The following STON1 variants were observed in gnomAD, a reference collection of about 807,000 sequenced individuals.
STON1 encodes the protein stonin 1.
In STON1, 79 loss-of-function variants were observed where a neutral mutation model predicts 60.9. The ratio of observed to expected loss-of-function variants is 1.30; its 90% confidence interval spans 1.08 to 1.56. STON1 has a LOEUF of 1.56. Among genes scored for constraint, STON1 ranks in the 40% most tolerant of loss-of-function variants. The pLI, the probability that STON1 is intolerant of heterozygous loss-of-function variation, is 0.00. For missense variants in STON1, 1,166 were observed against 858.9 expected, an observed-to-expected ratio of 1.36 and a Z score of -4.47; for synonymous variants, 363 against 306.9, an observed-to-expected ratio of 1.18 and a Z score of -1.91.
chr2:48,550,549 A>G (rs1672059425), intron 1 of STON1, among the ~76,000 whole-genome samples: 1 of 148,692 alleles, frequency 6.7e-6, no homozygotes, highest in East Asian at 1.9e-4. Flanking sequence ...TCTTATGAGG[A>G]TATATATGTG....
At chr2:48,584,424 C>G (rs143231344) in intron 2 of STON1, among the ~76,000 whole-genome samples, 1 of 151,964 alleles carries the variant, frequency 6.6e-6, no homozygotes, top group Admixed American at 6.6e-5. Context: ...TGAGCCACCA[C>G]GCCTGGCTAG....
chr2:48,564,480 TTTCTTCTTCTTC>T (rs869188236), intron 1 of STON1, among the ~76,000 whole-genome samples: 72 of 32,468 alleles, frequency 2.2e-3, no homozygotes, highest in Non-Finnish European at 2.9e-3. Context: ...CTTCTTCTTC[TTTCTTCTTCTTC>T]TTCTTCTTCT....
intron 1 of STON1, among the ~76,000 whole-genome samples, chr2:48,569,621 C>G (rs1353005513): frequency 6.6e-6 from 1 of 152,208 alleles, no homozygotes; most frequent in Non-Finnish European, 1.5e-5. Context: ...AAGCTTCAGT[C>G]TGACTCACAA....
rs1000867922 is a variant in STON1 at position 48,598,296 on chromosome 2, T to C, written c.*2994T>C. ...ATATTAGACAGTTCTAGGATGTTAG[T>C]TCCCTTCATTCCAGAGCTATGCTTG... is the stretch of plus-strand genomic sequence containing the variant. On this transcript the variant is annotated 3_prime_UTR_variant, in exon 4 of 4. Coordinates refer to ENST00000404752, the MANE Select transcript of STON1 (RefSeq NM_006873.4). The C allele has an allele frequency of 1.6e-4, 25 of 152,674 alleles. No individual in the cohort carries two copies. The highest frequency in any genetic ancestry group is 5.5e-4 in the African/African-American group (23 of 41,586). 9.5% of individuals were successfully genotyped at this position (152,674 alleles called of 1,614,324 possible).
At chr2:48,592,951 C>A (rs1674609451) in intron 3 of STON1, among the ~76,000 whole-genome samples, 1 of 151,738 alleles carries the variant, frequency 6.6e-6, no homozygotes, top group South Asian at 2.1e-4. Flanking sequence ...GCCATCAGCT[C>A]TTCTGCATTC....
chr2:48,577,607 G>T (rs1673592160), intron 1 of STON1, among the ~76,000 whole-genome samples: 1 of 151,770 alleles, frequency 6.6e-6, no homozygotes, highest in South Asian at 2.1e-4. Context: ...AAAAAAACAG[G>T]TTTTTTTGTT....
chr2:48,549,788 G>A (rs951573168), intron 1 of STON1, among the ~76,000 whole-genome samples: 4 of 137,438 alleles, frequency 2.9e-5, no homozygotes, highest in African/African-American at 8.1e-5. Flanking sequence ...ACTCCAGCCC[G>A]GACGACAGAG....
chr2:48,584,548 G>A (rs369300990), intron 2 of STON1, among the ~76,000 whole-genome samples: 1 of 152,018 alleles, frequency 6.6e-6, no homozygotes, highest in South Asian at 2.1e-4. Flanking sequence ...GATTACAGGT[G>A]TGAGCCACCA....
chr2:48,574,909 A>C lies in STON1; in HGVS notation c.-47-5678A>C, dbSNP rs141415530. On this transcript the variant is annotated intron_variant, in intron 1 of 3. Transcript: ENST00000404752. Reference sequence around the variant, plus strand: ...AAATCTACTCTTTTAAAAGTTTTCAACTGTTAAAAACGGTGTTATGAACGA... The same window carrying C: ...AAATCTACTCTTTTAAAAGTTTTCACCTGTTAAAAACGGTGTTATGAACGA... Among the ~76,000 whole-genome samples the C allele has an allele frequency of 1.6e-4, 25 of 152,376 alleles. No individual in the cohort carries two copies. The East Asian group carries it at 4.8e-3, about 29-fold the overall frequency.
At chr2:48,564,417 T>G (rs150755610) in intron 1 of STON1, among the ~76,000 whole-genome samples, 57 of 40,354 alleles carry the variant, frequency 1.4e-3, no homozygotes, top group African/African-American at 4.1e-3. Context: ...CTTCTTCTTC[T>G]TCTTCTTCTT....
intron 1 of STON1, among the ~76,000 whole-genome samples, chr2:48,564,484 T>A (rs1572952703): frequency 4.3e-5 from 1 of 23,292 alleles, no homozygotes; most frequent in African/African-American, 1.7e-4. Context: ...TTCTTCTTTC[T>A]TCTTCTTCTT....
At chr2:48,548,014 CCCTT>C (rs2103777943) in intron 1 of STON1, among the ~76,000 whole-genome samples, 1 of 152,272 alleles carries the variant, frequency 6.6e-6, no homozygotes, top group Admixed American at 6.5e-5. Context: ...GATCCCATAG[CCCTT>C]CCTTTTGTGA....
At chr2:48,571,307 T>C (rs1240102544) in intron 1 of STON1, among the ~76,000 whole-genome samples, 1 of 152,186 alleles carries the variant, frequency 6.6e-6, no homozygotes, top group African/African-American at 2.4e-5. Context: ...GAATCTTTGC[T>C]TCAGAGGAAG....
intron 1 of STON1, among the ~76,000 whole-genome samples, chr2:48,572,402 CG>C (rs373150991): frequency 2.4e-4 from 36 of 152,114 alleles, no homozygotes; most frequent in African/African-American, 8.7e-4. Context: ...GAGTCCTGGA[CG>C]GGGGTGAAAG....
chr2:48,582,394 C>T lies in STON1; in HGVS notation c.1761C>T (p.Leu587=). Residue 587 remains leucine, a synonymous_variant, in exon 2 of 4, where the codon CTC becomes CTT. Transcript: ENST00000404752. The part of the protein sequence containing the change: ...QWIKALWTMN[L]QRQKSLKAKM... ...TCAAGGCCCTTTGGACCATGAACCT[C>T]CAGAGGCAGAAGTCTCTGAAAGCTA... 1.9e-6 allele frequency: 3 copies of T among 1,614,120 alleles called. No individual in the cohort carries two copies. The highest frequency in any genetic ancestry group is 2.5e-6 in the Non-Finnish European group (3 of 1,180,030).
At chr2:48,594,743 T>C (rs1239508606) in intron 3 of STON1, among the ~76,000 whole-genome samples, 1 of 151,916 alleles carries the variant, frequency 6.6e-6, no homozygotes, top group African/African-American at 2.4e-5. Context: ...TACTATTAGG[T>C]TGCTGCAAAA....
At chr2:48,585,853 C>T (rs1674180367) in intron 2 of STON1, among the ~76,000 whole-genome samples, 1 of 152,202 alleles carries the variant, frequency 6.6e-6, no homozygotes. Context: ...TTCCGTTGAT[C>T]CTAGAGATGG....
Position 48,539,142 on chromosome 2 carries a change from T to A in STON1, c.-48+8926T>A, listed in dbSNP as rs1257246696. ...TATGTTGACCAGACTGGTCTGAAACTCCTGTCCTCAGGTGATCCTCTTGCC... is the reference window on the plus strand; with the variant it reads ...TATGTTGACCAGACTGGTCTGAAACACCTGTCCTCAGGTGATCCTCTTGCC... On this transcript the variant is annotated intron_variant, in intron 1 of 3. Transcript: ENST00000404752. Among the ~76,000 whole-genome samples the A allele has an allele frequency of 2.6e-5, 4 of 152,162 alleles. No individual in the cohort carries two copies. The East Asian group carries it at 7.7e-4, about 29-fold the overall frequency.
rs542108792 is a variant in STON1 at position 48,555,503 on chromosome 2, A to AC, written c.-47-25077dup. Reference sequence around the variant, plus strand: ...GGGCGGCTGGCCGGGTGGGGGGCTGACCCCCCCACCTCCCTCACGGACGAG... The same window carrying AC: ...GGGCGGCTGGCCGGGTGGGGGGCTGACCCCCCCCACCTCCCTCACGGACGAG... On this transcript the variant is annotated intron_variant, in intron 1 of 3. Coordinates refer to ENST00000404752, the MANE Select transcript of STON1 (RefSeq NM_006873.4). Among the ~76,000 whole-genome samples, 465 of 63,930 alleles carry AC rather than the reference A, an allele frequency of 7.3e-3. 21 individuals are homozygous for AC. Among genetic ancestry groups the AC allele is most frequent in the Non-Finnish European group, 0.011 (360 of 32,894 alleles). The allele number at this position is 63,930 out of a possible 152,430, so 41.9% of individuals were successfully genotyped here.
Sources: gnomAD v4.1 joint callset for allele counts (sites outside exome capture counted in the v4.1 genomes callset) on GRCh38, gnomAD v4.1.1 for gene constraint, MANE v1.5 for transcripts, NCBI Gene and HGNC (gene_info 2026-07-23, HGNC 2026-07-21) for gene names.